Variants in MECOM observed in about 807,000 individuals in gnomAD.
MECOM encodes the protein MDS1 and EVI1 complex locus, also known as histone-lysine N-methyltransferase MECOM.
In MECOM, 13 loss-of-function variants were observed where a neutral mutation model predicts 116.3. That is an observed-to-expected ratio of 0.11 (90% CI 0.07 to 0.18). MECOM has a LOEUF of 0.18. Among genes scored for constraint, MECOM ranks in the 10% least tolerant of loss-of-function variants. The probability of loss-of-function intolerance (pLI) is 1.00; values close to 1 mark genes in which losing one functional copy is unlikely to be tolerated. For missense variants in MECOM, 1,299 were observed against 1,509.0 expected (o/e 0.86, Z 2.31); for synonymous variants, 528 against 535.2 (o/e 0.99, Z 0.19).
chr3:169,438,252 T>A (rs1319003203), intron 1 of MECOM, among the ~76,000 whole-genome samples: 2 of 152,114 alleles, frequency 1.3e-5, no homozygotes, highest in East Asian at 3.8e-4. Flanking sequence ...AACATTTTGC[T>A]TGTTTTTTTT....
At chr3:169,096,627 T>A (rs1401081268) in intron 12 of MECOM, among the ~76,000 whole-genome samples, 1 of 152,120 alleles carries the variant, frequency 6.6e-6, no homozygotes, top group African/African-American at 2.4e-5. Context: ...TCTTAACTCA[T>A]CCTTCCATGT....
intron 1 of MECOM, among the ~76,000 whole-genome samples, chr3:169,558,774 T>A (rs1411119240): frequency 6.6e-6 from 1 of 152,112 alleles, no homozygotes; most frequent in East Asian, 1.9e-4. Flanking sequence ...CTGCTACAAT[T>A]CTCTTTATCC....
intron 2 of MECOM, among the ~76,000 whole-genome samples, chr3:169,254,198 A>G (rs1756584623): frequency 1.3e-5 from 2 of 152,114 alleles, no homozygotes; most frequent in African/African-American, 4.8e-5. Flanking sequence ...ATTGGGAAGC[A>G]AAATAAAGGT....
chr3:169,421,541 T>C (rs1344495921), intron 1 of MECOM, among the ~76,000 whole-genome samples: 3 of 152,182 alleles, frequency 2.0e-5, no homozygotes, highest in Non-Finnish European at 2.9e-5. Flanking sequence ...TTCTGCTTCT[T>C]AACACTGTCT....
Position 169,481,030 on chromosome 3 carries a change from T to G in MECOM, c.38-99506A>C, listed in dbSNP as rs556335151. 6.6e-5 allele frequency among the ~76,000 whole-genome samples: 10 copies of G among 152,316 alleles called. No individual in the cohort carries two copies. In the South Asian group the frequency reaches 2.1e-3, roughly 32 times the overall value. On this transcript the variant is annotated intron_variant, in intron 1 of 16. Transcript: ENST00000651503. ...TCAACAAAAAGAGAGTGTACATTTC[T>G]GTTTTAACCAGAAAAAGAATTAAAC...
chr3:169,619,489 T>TC (rs1353207538), intron 1 of MECOM, among the ~76,000 whole-genome samples: 2 of 152,130 alleles, frequency 1.3e-5, no homozygotes, highest in African/African-American at 4.8e-5. Flanking sequence ...GTCACTTTTC[T>TC]CCCCTCACTG....
At chr3:169,436,139 C>T (rs78635055) in intron 1 of MECOM, among the ~76,000 whole-genome samples, 2 of 151,018 alleles carry the variant, frequency 1.3e-5, no homozygotes, top group Non-Finnish European at 2.9e-5. Flanking sequence ...TTTGTATGCA[C>T]GTCTTTGTTT....
chr3:169,285,489 T>C (rs1025004652), intron 2 of MECOM, among the ~76,000 whole-genome samples: 4 of 152,210 alleles, frequency 2.6e-5, no homozygotes, highest in Non-Finnish European at 5.9e-5. Context: ...AAACAAATGG[T>C]CAGCTGAATT....
intron 1 of MECOM, among the ~76,000 whole-genome samples, chr3:169,534,736 G>A (rs1759123762): frequency 6.6e-6 from 1 of 152,136 alleles, no homozygotes; most frequent in Non-Finnish European, 1.5e-5. Flanking sequence ...CTCATCCCAT[G>A]AGCAAGGTGC....
chr3:169,099,880 C>T (rs987396281), intron 12 of MECOM, among the ~76,000 whole-genome samples: 23 of 151,880 alleles, frequency 1.5e-4, no homozygotes, highest in African/African-American at 5.6e-4. Context: ...TCTAATCTTT[C>T]TAAACAATAT....
At chr3:169,138,516 A>G (rs1251649326) in intron 3 of MECOM, among the ~76,000 whole-genome samples, 5 of 152,186 alleles carry the variant, frequency 3.3e-5, no homozygotes, top group Non-Finnish European at 7.4e-5. Flanking sequence ...CAGCTTAGGC[A>G]CTGTTCACAA....
intron 2 of MECOM, among the ~76,000 whole-genome samples, chr3:169,183,053 T>C (rs1746182370): frequency 1.3e-5 from 2 of 152,196 alleles, no homozygotes; most frequent in Non-Finnish European, 2.9e-5. Flanking sequence ...GATTCTCATC[T>C]CTAAAGTGAA....
intron 8 of MECOM, among the ~76,000 whole-genome samples, chr3:169,113,079 A>G (rs1454134328): frequency 6.6e-6 from 1 of 152,130 alleles, no homozygotes; most frequent in Non-Finnish European, 1.5e-5. Flanking sequence ...CCTATTTATA[A>G]TGGAAAAACC....
intron 2 of MECOM, among the ~76,000 whole-genome samples, chr3:169,194,962 G>A (rs1363362700): frequency 1.3e-5 from 2 of 152,074 alleles, no homozygotes; most frequent in Non-Finnish European, 2.9e-5. Context: ...GACTATGGTA[G>A]AGACGGGACT....
chr3:169,272,221 G>A lies in MECOM; in HGVS notation c.375+108966C>T, dbSNP rs1461379716. Among the ~76,000 whole-genome samples, 5 of 152,168 alleles carry A rather than the reference G, an allele frequency of 3.3e-5. No homozygotes were observed. In the East Asian group the frequency reaches 9.6e-4, roughly 29 times the overall value. On this transcript the variant is annotated intron_variant, in intron 2 of 16. Transcript: ENST00000651503. ...CAAAGGAGTCTCTCCTGAGACTCAT[G>A]AAAGTGCCTTAGTTCCCAGAGTAGG...
chr3:169,373,488 T>C (rs186404459), intron 2 of MECOM, among the ~76,000 whole-genome samples: 1 of 152,154 alleles, frequency 6.6e-6, no homozygotes, highest in African/African-American at 2.4e-5. Flanking sequence ...AAAAATTTTC[T>C]TTGAAGAGAC....
chr3:169,577,603 G>C (rs2109505846), intron 1 of MECOM, among the ~76,000 whole-genome samples: 1 of 152,204 alleles, frequency 6.6e-6, no homozygotes, highest in Admixed American at 6.5e-5. Context: ...AGGCCCCATG[G>C]AGGTGTTAAA....
At chr3:169,179,761 C>T (rs749665272) in intron 2 of MECOM, among the ~76,000 whole-genome samples, 28 of 152,010 alleles carry the variant, frequency 1.8e-4, no homozygotes, top group Non-Finnish European at 3.4e-4. Context: ...TTCTTTTTTC[C>T]TCAAAAAGTT....
chr3:169,262,741 T>A (rs1757715523), intron 2 of MECOM, among the ~76,000 whole-genome samples: 1 of 152,114 alleles, frequency 6.6e-6, no homozygotes, highest in South Asian at 2.1e-4. Flanking sequence ...AGACATAAAC[T>A]ATTGTGTGAA....
Sources: allele counts gnomAD v4.1 joint callset (sites outside exome capture counted in the v4.1 genomes callset), GRCh38; gene constraint gnomAD v4.1.1; transcripts MANE v1.5; gene names NCBI Gene and HGNC (gene_info 2026-07-23, HGNC 2026-07-21).